Variants in CDH3 observed in about 807,000 individuals in gnomAD.
The protein encoded by CDH3 is cadherin 3.
A neutral mutation model predicts 82.0 loss-of-function variants in CDH3; 54 were observed. The observed-to-expected ratio is 0.66, with a 90% CI of 0.53 to 0.83. The LOEUF is 0.83. Ranked by LOEUF, CDH3 falls within the 40% of genes least tolerant of loss-of-function variation. The pLI is 0.00. For synonymous variants in CDH3, 446 were observed against 437.9 expected, an observed-to-expected ratio of 1.02 and a Z score of -0.23; for missense variants, 1,054 against 1,084.6, an observed-to-expected ratio of 0.97 and a Z score of 0.40.
At chr16:68,648,157 A>G (rs974325955) in intron 2 of CDH3, among the ~76,000 whole-genome samples, 2 of 152,176 alleles carry the variant, frequency 1.3e-5, no homozygotes, top group African/African-American at 4.8e-5. Flanking sequence ...GCCTTGCCTG[A>G]GGTTTTGAAG....
rs1474198781 is a variant in CDH3, at chr16:68,645,692, T to C, written c.102T>C (p.Ala34=). The C allele has an allele frequency of 3.9e-6, 6 of 1,546,260 alleles. No homozygotes were observed. The East Asian group carries it at 1.2e-4, about 32-fold the overall frequency. The change falls in exon 2 of 16, where the codon GCT becomes GCC. Residue 34 remains alanine, a synonymous_variant. Transcript: ENST00000264012. ...SEPCRAVFRE[A]EVTLEAGGAE... is the part of the protein sequence containing the mutation. ...CGTGCCGGGCGGTCTTCAGGGAGGC[T>C]GAAGTGACCTTGGAGGCGGGAGGCG...
At chr16:68,729,656 CAG>C (rs1234665642), downstream of CDH3, among the ~76,000 whole-genome samples, 3 of 152,076 alleles carry the variant, frequency 2.0e-5, no homozygotes, top group Non-Finnish European at 4.4e-5. Flanking sequence ...TTGTCTGAGA[CAG>C]AGTCTCCTCT....
chr16:68,733,224 T>C, the CDH3 span, among the ~76,000 whole-genome samples: 1 of 152,086 alleles, frequency 6.6e-6, no homozygotes, highest in Non-Finnish European at 1.5e-5. Context: ...GCTCAAATGA[T>C]CCTCCTACCT....
chr16:68,680,036 G>A, intron 7 of CDH3, 62 bp downstream of exon 7: 1 of 1,508,082 alleles, frequency 6.6e-7, no homozygotes, highest in Non-Finnish European at 9.2e-7. Context: ...AACTGACTCT[G>A]AGAGCAGAAG....
At chr16:68,700,473 C>G (rs905568207), downstream of CDH3, among the ~76,000 whole-genome samples, 1 of 152,178 alleles carries the variant, frequency 6.6e-6, no homozygotes, top group African/African-American at 2.4e-5. Context: ...GGCCAAGGAG[C>G]CTGAAGCCTC....
At position 68,695,365 on chromosome 16, in the gene CDH3, G is replaced by C. The variant is rs763142765; in HGVS notation, c.2113G>C (p.Gly705Arg). The C allele has an allele frequency of 1.2e-6, 2 of 1,612,970 alleles. No homozygotes were observed. Among genetic ancestry groups the C allele is most frequent in the African/African-American group, 1.3e-5 (1 of 75,042 alleles). The change falls in exon 14 of 16, where the codon GGG (glycine) becomes CGG (arginine). Residue 705 changes from glycine (G) to arginine (R), a missense_variant. Gly to Arg is a moderately radical substitution (Grantham distance 125). Coordinates refer to ENST00000264012, the MANE Select transcript of CDH3 (RefSeq NM_001793.6). The stretch of plus-strand genomic sequence containing the variant: ...CAACGTCTTCTACTATGGCGAAGAG[G>C]GGGGTGGCGAAGAGGACCAGGTGGG... Reference protein sequence around the residue: ...RDNVFYYGEEGGGEEDQDYDI... With the variant: ...RDNVFYYGEERGGEEDQDYDI...
Position 68,695,301 on chromosome 16 carries a change from C to G in CDH3, c.2049C>G (p.Ile683Met), listed in dbSNP as rs1961686158. ...TGTTGGTGAGAAAGAAGCGGAAGAT[C>G]AAGGAGCCCCTCCTACTCCCAGAAG... Reference protein sequence around the residue: ...LLLLVRKKRKIKEPLLLPEDD... With the variant: ...LLLLVRKKRKMKEPLLLPEDD... Residue 683 changes from isoleucine to methionine, a missense_variant, in exon 14 of 16, where the codon ATC becomes ATG. Physicochemically the swap from Ile to Met is conservative, Grantham distance 10. Coordinates refer to ENST00000264012, the MANE Select transcript of CDH3 (RefSeq NM_001793.6). 6.2e-7 allele frequency: 1 copy of G among 1,614,088 alleles called. No homozygotes were observed. The highest frequency in any genetic ancestry group is 8.5e-7 in the Non-Finnish European group (1 of 1,180,008).
intron 2 of CDH3, among the ~76,000 whole-genome samples, chr16:68,648,994 G>A (rs1196970361): frequency 6.6e-6 from 1 of 152,056 alleles, no homozygotes; most frequent in Non-Finnish European, 1.5e-5. Flanking sequence ...TAATCTGGAG[G>A]GAAGGAAAGC....
intron 15 of CDH3, chr16:68,696,185 C>T (rs1961717134): frequency 2.2e-6 from 1 of 463,672 alleles, no homozygotes; most frequent in South Asian, 2.0e-5. Flanking sequence ...CTTTGGGAGG[C>T]TGAGACGGGT....
chr16:68,698,776 A>T lies in CDH3; in HGVS notation c.*376A>T. ...TTCTTAGGCCTCCTGGTGCAACTTA[A>T]TTTTTTTTTTTAATGCTATCTTCAA... On this transcript the variant is annotated 3_prime_UTR_variant, in exon 16 of 16. Coordinates refer to ENST00000264012, the MANE Select transcript of CDH3 (RefSeq NM_001793.6). 4 of 191,644 alleles carry T rather than the reference A, an allele frequency of 2.1e-5. No individual in the cohort carries two copies. Among genetic ancestry groups the T allele is most frequent in the Middle Eastern group, 2.2e-3 (1 of 460 alleles). The allele number at this position is 191,644 out of a possible 1,614,324, so 11.9% of individuals were successfully genotyped here.
chr16:68,705,978 T>C (rs1208829115), intron 1 of CDH3, among the ~76,000 whole-genome samples: 1 of 144,502 alleles, frequency 6.9e-6, no homozygotes, highest in Non-Finnish European at 1.5e-5. Flanking sequence ...GGCAGGAGAA[T>C]GGCATGAACC....
At chr16:68,676,786 T>C (rs548507723) in intron 3 of CDH3, among the ~76,000 whole-genome samples, 1 of 152,328 alleles carries the variant, frequency 6.6e-6, no homozygotes, top group East Asian at 1.9e-4. Flanking sequence ...TTATCATCCA[T>C]GTTAACCCCA....
At chr16:68,696,004 G>T in intron 15 of CDH3, 81 bp downstream of exon 15, 1 of 1,484,550 alleles carries the variant, frequency 6.7e-7, no homozygotes, top group South Asian at 1.2e-5. Flanking sequence ...CATGGGCCTG[G>T]AGTCTTGGGT....
At chr16:68,703,517 G>A (rs377411604), downstream of CDH3, among the ~76,000 whole-genome samples, 2 of 152,194 alleles carry the variant, frequency 1.3e-5, no homozygotes, top group African/African-American at 4.8e-5. Context: ...CTCCCTCCAG[G>A]CTAAAGGCAG....
At chr16:68,695,208 C>T (rs779881360) in intron 13 of CDH3, 47 bp from the exon 14 acceptor site, 20 of 1,611,948 alleles carry the variant, frequency 1.2e-5, no homozygotes, top group South Asian at 3.3e-5. Flanking sequence ...GGTCTTGGCC[C>T]ACTGTGTGGT....
chr16:68,731,388 AAAAAAAAATATATAT>A (rs1239311244), downstream of CDH3, among the ~76,000 whole-genome samples: 1 of 26,144 alleles, frequency 3.8e-5, no homozygotes, highest in African/African-American at 2.2e-4. Context: ...AAAAAAAAAA[AAAAAAAAATATATAT>A]ATATATATAT....
Position 68,678,567 on chromosome 16 carries a change from C to T in CDH3, c.457C>T (p.Pro153Ser), listed in dbSNP as rs779790678. The change falls in exon 5 of 16, where the codon CCC becomes TCC. Residue 153 changes from proline to serine, a missense_variant. Transcript: ENST00000264012. ...CATCACGGGGCCGGGGGCAGACAGC[C>T]CCCCTGAGGGTGTCTTCGCTGTAGA... ...YSITGPGADS[P>S]PEGVFAVEKE... 1.9e-6 allele frequency: 3 copies of T among 1,614,104 alleles called. No individual in the cohort carries two copies. Among genetic ancestry groups the T allele is most frequent in the East Asian group, 2.2e-5 (1 of 44,898 alleles).
At chr16:68,682,571 G>A (rs554845875) in intron 9 of CDH3, 84 bp downstream of exon 9, 140 of 1,324,586 alleles carry the variant, frequency 1.1e-4, no homozygotes, top group Middle Eastern at 2.1e-4. Context: ...ACTGTCTACC[G>A]TGGGCTAGTC....
intron 7 of CDH3, 50 bp from the exon 8 acceptor site, chr16:68,680,918 G>A: frequency 6.2e-7 from 1 of 1,611,154 alleles, no homozygotes; most frequent in Non-Finnish European, 8.5e-7. Flanking sequence ...TCAGGGGAGG[G>A]ACCCTTCAGA....
Sources: allele counts gnomAD v4.1 joint callset (sites outside exome capture counted in the v4.1 genomes callset), GRCh38; gene constraint gnomAD v4.1.1; transcripts MANE v1.5; gene names NCBI Gene and HGNC (gene_info 2026-07-23, HGNC 2026-07-21).